RNF122: variants seen among roughly 807,000 people sequenced by gnomAD.
The protein encoded by RNF122 is ring finger protein 122.
A neutral mutation model predicts 24.2 loss-of-function variants in RNF122; 17 were observed. That is an observed-to-expected ratio of 0.70 (90% CI 0.48 to 1.06). The LOEUF (loss-of-function observed/expected upper bound fraction) is 1.06. RNF122 is among the 50% of genes least tolerant of loss of function. The probability of loss-of-function intolerance (pLI) is 0.00; values close to 1 mark genes in which losing one functional copy is unlikely to be tolerated. For missense variants in RNF122, 168 were observed against 198.1 expected (o/e 0.85, Z 0.91); for synonymous variants, 65 against 71.8 (o/e 0.91, Z 0.48).
intron 1 of RNF122, 126 bp downstream of exon 1, chr8:33,566,573 G>A (rs1810627696): frequency 4.1e-6 from 4 of 977,320 alleles, no homozygotes; most frequent in Non-Finnish European, 6.3e-6. Context: ...ACGCCTTCTC[G>A]ACTGTCCCAT....
intron 1 of RNF122, among the ~76,000 whole-genome samples, chr8:33,562,396 G>C (rs1810552232): frequency 6.6e-6 from 1 of 151,866 alleles, no homozygotes; most frequent in Non-Finnish European, 1.5e-5. Flanking sequence ...TGATAAATTA[G>C]CTGGGTGTGG....
At chr8:33,556,179 C>CAAAAAAAAAAAAAAAAAA (rs538829399) in intron 2 of RNF122, among the ~76,000 whole-genome samples, 1 of 33,994 alleles carries the variant, frequency 2.9e-5, no homozygotes, top group Non-Finnish European at 6.3e-5. Flanking sequence ...GACCCTGTCT[C>CAAAAAAAAAAAAAAAAAA]AAAAAAAAAA....
Position 33,562,100 on chromosome 8 carries a change from T to C in RNF122, c.26-3329A>G, listed in dbSNP as rs113345640. 3.9e-3 allele frequency among the ~76,000 whole-genome samples: 588 copies of C among 152,288 alleles called. 6 individuals carry two copies. The highest frequency in any genetic ancestry group is 0.014 in the African/African-American group (574 of 41,576). On this transcript the variant is annotated intron_variant, in intron 1 of 5. Transcript: ENST00000256257. ...GCCTGTGATAGTCCAATAACCTCTCTTCCTTCAATTCTACAGCACTCATGA... is the reference window on the plus strand; with the variant it reads ...GCCTGTGATAGTCCAATAACCTCTCCTCCTTCAATTCTACAGCACTCATGA...
Position 33,549,399 on chromosome 8 carries a change from T to C in RNF122, c.353+11A>G. 4 of 1,610,886 alleles carry C rather than the reference T, an allele frequency of 2.5e-6. No individual in the cohort carries two copies. The highest frequency in any genetic ancestry group is 2.5e-6 in the Non-Finnish European group (3 of 1,177,014). ...TCCTTCGACGGGCACCCTGGACACA[T>C]TCCCACGTACTTGCGGTGAAAGGCG... On this transcript the variant is annotated intron_variant, in intron 5 of 5. Coordinates refer to ENST00000256257, the MANE Select transcript of RNF122 (RefSeq NM_024787.3).
chr8:33,562,756 T>C (rs961580275), intron 1 of RNF122, among the ~76,000 whole-genome samples: 17 of 151,422 alleles, frequency 1.1e-4, no homozygotes, highest in Admixed American at 5.9e-4. Flanking sequence ...AAACACCATC[T>C]CTACTAAAAT....
intron 2 of RNF122, among the ~76,000 whole-genome samples, chr8:33,553,202 A>T (rs1388093246): frequency 6.6e-6 from 1 of 152,162 alleles, no homozygotes; most frequent in Non-Finnish European, 1.5e-5. Context: ...CCAGCAAGCC[A>T]GGAGAAGCAG....
Position 33,566,686 on chromosome 8 carries a change from C to G in RNF122, c.25+13G>C. On this transcript the variant is annotated intron_variant, in intron 1 of 5. Coordinates refer to ENST00000256257, the MANE Select transcript of RNF122 (RefSeq NM_024787.3). Reference sequence around the variant, plus strand: ...AGCCCCACGTAGGCTCGGCCCTCGCCCCGGGGACTCACCGTTACACCACTG... The same window carrying G: ...AGCCCCACGTAGGCTCGGCCCTCGCGCCGGGGACTCACCGTTACACCACTG... The G allele has an allele frequency of 6.3e-7, 1 of 1,599,946 alleles. No individual in the cohort carries two copies. The highest frequency in any genetic ancestry group is 8.5e-7 in the Non-Finnish European group (1 of 1,174,546).
chr8:33,556,105 G>T (rs1810447111), intron 2 of RNF122, among the ~76,000 whole-genome samples: 1 of 148,822 alleles, frequency 6.7e-6, no homozygotes, highest in African/African-American at 2.4e-5. Context: ...GCTTGGGCCC[G>T]GGAGGTGGAG....
At chr8:33,560,124 G>T (rs1487680221) in intron 1 of RNF122, among the ~76,000 whole-genome samples, 2 of 152,074 alleles carry the variant, frequency 1.3e-5, no homozygotes, top group Non-Finnish European at 2.9e-5. Flanking sequence ...TTACAGGCAT[G>T]AGCCACGGCA....
chr8:33,563,491 C>T (rs1267225336), intron 1 of RNF122, among the ~76,000 whole-genome samples: 1 of 152,198 alleles, frequency 6.6e-6, no homozygotes, highest in African/African-American at 2.4e-5. Flanking sequence ...AGCTACTAAA[C>T]TTTGCTGTGC....
intron 3 of RNF122, 21 bp downstream of exon 3, chr8:33,551,323 G>A: frequency 6.2e-7 from 1 of 1,613,742 alleles, no homozygotes; most frequent in South Asian, 1.1e-5. Context: ...GGAAGCTTCT[G>A]GGAAACACGC....
At position 33,548,688 on chromosome 8, in the gene RNF122, G is replaced by C; in HGVS notation, c.*65C>G. On this transcript the variant is annotated 3_prime_UTR_variant, in exon 6 of 6. Coordinates refer to ENST00000256257, the MANE Select transcript of RNF122 (RefSeq NM_024787.3). ...CCCTACAGTCCTGTTGGTTGGAGCT[G>C]TGCAGAGGGACCAGACATCCATGAG... The C allele has an allele frequency of 1.0e-6, 1 of 990,900 alleles. No individual in the cohort carries two copies. The highest frequency in any genetic ancestry group is 1.3e-5 in the South Asian group (1 of 77,912). The allele number at this position is 990,900 out of a possible 1,614,324, so 61.4% of individuals were successfully genotyped here.
chr8:33,556,631 G>A (rs886573612), intron 2 of RNF122, among the ~76,000 whole-genome samples: 4 of 152,158 alleles, frequency 2.6e-5, no homozygotes, highest in Admixed American at 2.6e-4. Flanking sequence ...GGAGTGGGCA[G>A]GTTGGTGGTC....
intron 1 of RNF122, among the ~76,000 whole-genome samples, chr8:33,561,385 C>T (rs1054757703): frequency 1.1e-4 from 17 of 152,098 alleles, no homozygotes; most frequent in African/African-American, 4.1e-4. Flanking sequence ...TATAACGAGC[C>T]TCCATTCAAA....
intron 1 of RNF122, among the ~76,000 whole-genome samples, chr8:33,565,493 A>G (rs1810608704): frequency 6.6e-6 from 1 of 152,030 alleles, no homozygotes; most frequent in African/African-American, 2.4e-5. Flanking sequence ...GGTCAAGACT[A>G]GGACCCCAGG....
At chr8:33,566,096 G>A (rs139277645) in intron 1 of RNF122, among the ~76,000 whole-genome samples, 1,736 of 152,062 alleles carry the variant, frequency 0.011, 30 homozygotes, top group African/African-American at 0.04. Context: ...CAGGTGATCC[G>A]CCCGCCTCGG....
At chr8:33,552,414 AG>A (rs1471679780) in intron 2 of RNF122, among the ~76,000 whole-genome samples, 19 of 144,514 alleles carry the variant, frequency 1.3e-4, no homozygotes, top group Non-Finnish European at 2.2e-4. Context: ...AAATAAAAAA[AG>A]AAAAAGAAAA....
At chr8:33,553,199 G>A (rs1323672841) in intron 2 of RNF122, among the ~76,000 whole-genome samples, 1 of 152,044 alleles carries the variant, frequency 6.6e-6, no homozygotes, top group East Asian at 1.9e-4. Flanking sequence ...AACCCAGCAA[G>A]CCAGGAGAAG....
Position 33,565,472 on chromosome 8 carries a change from C to T in RNF122, c.25+1227G>A, listed in dbSNP as rs144522819. 3.0e-3 allele frequency among the ~76,000 whole-genome samples: 453 copies of T among 152,038 alleles called. 2 individuals are homozygous for T. Among genetic ancestry groups the T allele is most frequent in the African/African-American group, 0.01 (426 of 41,456 alleles). On this transcript the variant is annotated intron_variant, in intron 1 of 5. Coordinates refer to ENST00000256257, the MANE Select transcript of RNF122 (RefSeq NM_024787.3). Reference sequence around the variant, plus strand: ...TCTCTCCCAGAAACTCTCCAAGCATCGGAACAACGCGGTCAAGACTAGGAC... The same window carrying T: ...TCTCTCCCAGAAACTCTCCAAGCATTGGAACAACGCGGTCAAGACTAGGAC...
Sources: allele counts gnomAD v4.1 joint callset (sites outside exome capture counted in the v4.1 genomes callset), GRCh38; gene constraint gnomAD v4.1.1; transcripts MANE v1.5; gene names NCBI Gene and HGNC (gene_info 2026-07-23, HGNC 2026-07-21).